Variants in PPP1CB observed in about 807,000 individuals in gnomAD.
The protein encoded by PPP1CB is serine/threonine-protein phosphatase PP1-beta catalytic subunit.
PPP1CB carries 2 observed loss-of-function variants against 43.7 expected under a neutral mutation model. The ratio of observed to expected loss-of-function variants is 0.05; its 90% confidence interval spans 0.02 to 0.14. The LOEUF is 0.14. Ranked by LOEUF, PPP1CB falls within the 10% of genes least tolerant of loss-of-function variation. The probability of loss-of-function intolerance (pLI) is 1.00; values close to 1 mark genes in which losing one functional copy is unlikely to be tolerated. For missense variants in PPP1CB, 84 were observed against 398.0 expected (o/e 0.21, Z 6.71); for synonymous variants, 136 against 135.6 (o/e 1.00, Z -0.02).
chr2:28,778,659 C>G, intron 2 of PPP1CB, 150 bp from the exon 3 acceptor site: 1 of 598,696 alleles, frequency 1.7e-6, no homozygotes. Flanking sequence ...CAGCCCATCT[C>G]ACTTTCGCTT....
chr2:28,799,240 T>A lies in PPP1CB; in HGVS notation c.921T>A (p.Gly307=). The A allele has an allele frequency of 6.2e-7, 1 of 1,609,826 alleles. No individual in the cohort carries two copies. Among genetic ancestry groups the A allele is most frequent in the Non-Finnish European group, 8.5e-7 (1 of 1,176,200 alleles). The part of the protein sequence containing the change: ...PSEKKAKYQY[G]GLNSGRPVTP... Reference sequence around the variant, plus strand: ...AAAAGAAAGCTAAATACCAGTATGGTGGACTGAATTCTGGACGTCCTGTCA... The same window carrying A: ...AAAAGAAAGCTAAATACCAGTATGGAGGACTGAATTCTGGACGTCCTGTCA... Residue 307 remains glycine (G), a synonymous_variant, in exon 8 of 8, where the codon GGT becomes GGA. Transcript: ENST00000395366.
At chr2:28,772,998 CATCAA>C (rs1666946846) in intron 1 of PPP1CB, among the ~76,000 whole-genome samples, 1 of 152,088 alleles carries the variant, frequency 6.6e-6, no homozygotes, top group Non-Finnish European at 1.5e-5. Context: ...TTCACAAATA[CATCAA>C]ATCAATATAT....
chr2:28,754,099 A>T (rs527257802), intron 1 of PPP1CB, among the ~76,000 whole-genome samples: 2 of 152,212 alleles, frequency 1.3e-5, no homozygotes, highest in Non-Finnish European at 1.5e-5. Context: ...TTTGTATCTC[A>T]ATTTATTTAT....
intron 7 of PPP1CB, among the ~76,000 whole-genome samples, chr2:28,798,178 C>T (rs1166359179): frequency 6.6e-6 from 1 of 152,038 alleles, no homozygotes; most frequent in Non-Finnish European, 1.5e-5. Context: ...TTTGGAAAAT[C>T]ATGACTTTTT....
intron 1 of PPP1CB, among the ~76,000 whole-genome samples, chr2:28,771,891 A>C (rs1282492473): frequency 6.6e-6 from 1 of 152,074 alleles, no homozygotes; most frequent in Non-Finnish European, 1.5e-5. Flanking sequence ...TCATTAAAGA[A>C]CTTCTGTTCA....
At chr2:28,771,375 A>G (rs1244331888) in intron 1 of PPP1CB, among the ~76,000 whole-genome samples, 1 of 151,358 alleles carries the variant, frequency 6.6e-6, no homozygotes, top group Non-Finnish European at 1.5e-5. Context: ...ACACCTCACA[A>G]GTTTGGGGGT....
chr2:28,789,288 C>T (rs1353739858), intron 6 of PPP1CB, among the ~76,000 whole-genome samples: 2 of 151,868 alleles, frequency 1.3e-5, no homozygotes, highest in Admixed American at 6.6e-5. Context: ...GGGTGGATTG[C>T]TTAAGTACAG....
chr2:28,802,441 C>G lies in PPP1CB; in HGVS notation c.*3138C>G, dbSNP rs1402347283. 6.6e-6 allele frequency: 1 copy of G among 152,148 alleles called. No individual in the cohort carries two copies. Among genetic ancestry groups the G allele is most frequent in the Non-Finnish European group, 1.5e-5 (1 of 68,040 alleles). The allele number at this position is 152,148 out of a possible 1,614,324, so 9.4% of individuals were successfully genotyped here. A position where few individuals can be genotyped will look rare whatever the true frequency, so the allele number is the denominator to read the frequency against. The stretch of plus-strand genomic sequence containing the variant: ...AGTCCATGGCTAAATCAAAGCTGCC[C>G]CTGAGAAGAGACTTAATCCAAGCCT... On this transcript the variant is annotated 3_prime_UTR_variant, in exon 8 of 8. Transcript: ENST00000395366.
intron 7 of PPP1CB, among the ~76,000 whole-genome samples, chr2:28,797,578 G>T (rs1667521969): frequency 6.6e-6 from 1 of 152,090 alleles, no homozygotes; most frequent in African/African-American, 2.4e-5. Flanking sequence ...GGGAGCGCAT[G>T]TGTGTTTTTG....
chr2:28,770,924 A>C (rs1021497538), intron 1 of PPP1CB, among the ~76,000 whole-genome samples: 10 of 152,266 alleles, frequency 6.6e-5, no homozygotes, highest in Non-Finnish European at 1.3e-4. Context: ...GCCATACTAG[A>C]GTATATAACA....
intron 6 of PPP1CB, 71 bp from the exon 7 acceptor site, chr2:28,793,792 C>T: frequency 1.9e-6 from 3 of 1,561,188 alleles, no homozygotes; most frequent in South Asian, 2.4e-5. Context: ...GCCACCTTAA[C>T]CTTAATTAGT....
chr2:28,790,311 G>C (rs1667360373), intron 6 of PPP1CB, among the ~76,000 whole-genome samples: 1 of 151,974 alleles, frequency 6.6e-6, no homozygotes, highest in African/African-American at 2.4e-5. Context: ...TTGTAGACTT[G>C]GTAATAGGTA....
At chr2:28,783,719 T>C (rs1357482935) in intron 4 of PPP1CB, among the ~76,000 whole-genome samples, 188 bp from the exon 5 acceptor site, 2 of 151,570 alleles carry the variant, frequency 1.3e-5, no homozygotes, top group East Asian at 3.9e-4. Flanking sequence ...ATCACGCTAC[T>C]GCACTGCAGC....
chr2:28,752,786 A>T (rs1169720490), intron 1 of PPP1CB, among the ~76,000 whole-genome samples: 1 of 152,268 alleles, frequency 6.6e-6, no homozygotes, highest in Non-Finnish European at 1.5e-5. Flanking sequence ...GCCTAAAAAA[A>T]TTGTAAGACA....
rs935788081 is a variant in PPP1CB, at chr2:28,800,257, T to C, written c.*954T>C. 1.4e-5 allele frequency: 2 copies of C among 142,776 alleles called. No homozygotes were observed. The highest frequency in any genetic ancestry group is 5.2e-5 in the African/African-American group (2 of 38,442). The allele number at this position is 142,776 out of a possible 1,614,324, so 8.8% of individuals were successfully genotyped here. On this transcript the variant is annotated 3_prime_UTR_variant, in exon 8 of 8. Transcript: ENST00000395366. The stretch of plus-strand genomic sequence containing the variant: ...TTTTTTTTTTTTTTTTTTGAGTTGT[T>C]GTTTGTTTTTAGATCCACAGTACAT...
chr2:28,781,715 T>C (rs376484548), intron 3 of PPP1CB, 23 bp from the exon 4 acceptor site: 49 of 1,500,232 alleles, frequency 3.3e-5, no homozygotes, highest in Non-Finnish European at 4.4e-5. Flanking sequence ...TTTTTTAATT[T>C]ATTCTATCTG....
chr2:28,777,361 A>T (rs1346240647), intron 2 of PPP1CB: 10 of 153,568 alleles, frequency 6.5e-5, no homozygotes, highest in South Asian at 4.1e-4. Context: ...CAAGTCTCCA[A>T]CTCTAGTCAG....
At chr2:28,785,329 C>T (rs1462368415) in intron 5 of PPP1CB, among the ~76,000 whole-genome samples, 1 of 151,916 alleles carries the variant, frequency 6.6e-6, no homozygotes, top group South Asian at 2.1e-4. Context: ...CCACCTTGGC[C>T]TCCCAAAGTG....
chr2:28,752,434 G>A (rs1559037026), intron 1 of PPP1CB, among the ~76,000 whole-genome samples: 1 of 152,188 alleles, frequency 6.6e-6, no homozygotes, highest in Non-Finnish European at 1.5e-5. Context: ...CCCGCCGGCC[G>A]AAGGCTGTGC....
Sources: gnomAD v4.1 joint callset for allele counts (sites outside exome capture counted in the v4.1 genomes callset) on GRCh38, gnomAD v4.1.1 for gene constraint, MANE v1.5 for transcripts, NCBI Gene and HGNC (gene_info 2026-07-23, HGNC 2026-07-21) for gene names.